PLEKHH2: variants seen among roughly 807,000 people sequenced by gnomAD.
PLEKHH2 encodes the protein pleckstrin homology domain-containing family H member 2.
A neutral mutation model predicts 187.9 loss-of-function variants in PLEKHH2; 129 were observed. The ratio of observed to expected loss-of-function variants is 0.69; its 90% confidence interval spans 0.59 to 0.79. PLEKHH2 has a LOEUF of 0.79. Ranked by LOEUF, PLEKHH2 falls within the 30% of genes least tolerant of loss-of-function variation. PLEKHH2 has a pLI of 0.00. For missense variants in PLEKHH2, 2,076 were observed against 1,751.2 expected (o/e 1.19, Z -3.31); for synonymous variants, 686 against 605.6 (o/e 1.13, Z -1.95).
intron 16 of PLEKHH2, among the ~76,000 whole-genome samples, chr2:43,722,089 T>TA (rs780880178): frequency 0.01 from 1,321 of 128,248 alleles, 21 homozygotes; most frequent in African/African-American, 0.029. Flanking sequence ...TAGTCTCTAC[T>TA]AAAAAAAAAA....
chr2:43,644,844 T>A (rs12105773), intron 2 of PLEKHH2, 48 bp downstream of exon 2: 1 of 1,523,008 alleles, frequency 6.6e-7, no homozygotes, highest in Non-Finnish European at 8.9e-7. Flanking sequence ...CTATTTAGGG[T>A]CTGCTTCATT....
chr2:43,756,951 T>A (rs183156149), intron 25 of PLEKHH2, among the ~76,000 whole-genome samples, 168 bp from the exon 26 acceptor site: 43 of 152,286 alleles, frequency 2.8e-4, no homozygotes, highest in African/African-American at 1.0e-3. Context: ...TCAAATGTAA[T>A]TTATAAAAAT....
chr2:43,656,800 C>G (rs1666791362), intron 2 of PLEKHH2, among the ~76,000 whole-genome samples: 1 of 152,134 alleles, frequency 6.6e-6, no homozygotes, highest in Non-Finnish European at 1.5e-5. Flanking sequence ...GGTGGATCAC[C>G]TGAAGCTAGG....
chr2:43,693,597 T>G (rs564118727), intron 4 of PLEKHH2, among the ~76,000 whole-genome samples: 284 of 151,640 alleles, frequency 1.9e-3, no homozygotes, highest in Non-Finnish European at 3.2e-3. Context: ...GGTGGCGGGC[T>G]CCTGTAGTCC....
Position 43,695,213 on chromosome 2 carries a change from C to A in PLEKHH2, c.491C>A (p.Ser164Ter). The change falls in exon 6 of 30, where the codon TCA becomes TAA. Residue 164 changes from serine to a stop codon, truncating the protein, a stop_gained. Transcript: ENST00000282406. LOFTEE classifies it high-confidence loss of function. ...ACTGAAGAGATAAGAACAATGCAGT[C>A]AAAACTACAAGGTACAAATACTTTA... ...NQTEEIRTMQ[S>*]KLQEVQGKKS... 6.3e-7 allele frequency: 1 copy of A among 1,576,296 alleles called. No individual in the cohort carries two copies. Among genetic ancestry groups the A allele is most frequent in the South Asian group, 1.2e-5 (1 of 85,730 alleles).
chr2:43,699,887 C>T lies in PLEKHH2; in HGVS notation c.929C>T (p.Thr310Ile), dbSNP rs769129097. Reference protein sequence around the residue: ...SRCTSTLSSHTSEEGVQCSRM... With the variant: ...SRCTSTLSSHISEEGVQCSRM... Reference sequence around the variant, plus strand: ...TGCACATCCACCCTCTCCAGTCACACATCTGAGGAAGGGGTCCAGTGTAGC... The same window carrying T: ...TGCACATCCACCCTCTCCAGTCACATATCTGAGGAAGGGGTCCAGTGTAGC... The change falls in exon 8 of 30, where the codon ACA becomes ATA. Residue 310 changes from threonine to isoleucine, a missense_variant. Coordinates refer to ENST00000282406, the MANE Select transcript of PLEKHH2 (RefSeq NM_172069.4). The T allele has an allele frequency of 5.6e-5, 91 of 1,613,984 alleles. No individual in the cohort carries two copies. In the South Asian group the frequency reaches 6.3e-4, roughly 11 times the overall value.
chr2:43,738,560 T>TG (rs769669943), intron 20 of PLEKHH2, 40 bp downstream of exon 20: 31 of 1,503,974 alleles, frequency 2.1e-5, no homozygotes, highest in Non-Finnish European at 2.6e-5. Context: ...CAATTTAAAG[T>TG]GTTTTTTTTT....
At position 43,692,533 on chromosome 2, in the gene PLEKHH2, A is replaced by G. The variant is rs367999974; in HGVS notation, c.206A>G (p.Lys69Arg). ...ATTTAGGTACAAGTTATGGAAGATA[A>G]ATTAAAAGCAGCTAATATTCAAACC... ...AFQQVQVMED[K>R]LKAANIQTSE... Residue 69 changes from lysine to arginine, a missense_variant, in exon 4 of 30, where the codon AAA (lysine) becomes AGA (arginine). Transcript: ENST00000282406. 27 of 1,578,380 alleles carry G rather than the reference A, an allele frequency of 1.7e-5. No individual in the cohort carries two copies. The highest frequency in any genetic ancestry group is 2.3e-5 in the Non-Finnish European group (26 of 1,152,396).
At chr2:43,678,804 C>A in intron 2 of PLEKHH2, 59 bp from the exon 3 acceptor site, 1 of 1,329,264 alleles carries the variant, frequency 7.5e-7, no homozygotes, top group Non-Finnish European at 1.1e-6. Flanking sequence ...AAGCCTTTTT[C>A]AGAAAGGCTC....
chr2:43,710,584 C>CTTTTTTTTTTTTTTTTTTTTTTTTTTT lies in PLEKHH2; in HGVS notation c.2301+33_2301+34insTTTTTTTTTTTTTTTTTTTTTTTTTTT. 8.1e-7 allele frequency: 1 copy of CTTTTTTTTTTTTTTTTTTTTTTTTTTT among 1,241,308 alleles called. No individual in the cohort carries two copies. 76.9% of individuals were successfully genotyped at this position (1,241,308 alleles called of 1,614,324 possible). ...ACAAACAAACAGTTCAGGTACTTAA[C>CTTTTTTTTTTTTTTTTTTTTTTTTTTT]TTTTTTTTTTTTTTTTTTTTTTTTG... On this transcript the variant is annotated intron_variant, in intron 14 of 29. Transcript: ENST00000282406.
At chr2:43,758,411 C>A (rs1196606239) in intron 26 of PLEKHH2, among the ~76,000 whole-genome samples, 1 of 152,138 alleles carries the variant, frequency 6.6e-6, no homozygotes, top group Non-Finnish European at 1.5e-5. Flanking sequence ...CGCCATCATG[C>A]CTGGCTTATT....
chr2:43,742,915 C>G lies in PLEKHH2; in HGVS notation c.3396C>G (p.Tyr1132Ter). Residue 1132 changes from tyrosine (Y) to a stop codon, truncating the protein, a stop_gained, in exon 22 of 30, where the codon TAC becomes TAG. Coordinates refer to ENST00000282406, the MANE Select transcript of PLEKHH2 (RefSeq NM_172069.4). LOFTEE classifies it high-confidence loss of function. ...CTGTGCACTTCATGAATGGGATATA[C>G]CAGGTAGGTTACCTGATGAAAATAT... ...SIPVHFMNGIYQVVGFDASTT... is the reference protein window; with the variant it reads ...SIPVHFMNGI The G allele has an allele frequency of 6.6e-7, 1 of 1,520,896 alleles. No homozygotes were observed. The allele number at this position is 1,520,896 out of a possible 1,614,324, so 94.2% of individuals were successfully genotyped here.
At chr2:43,740,543 A>G (rs1671515691) in intron 20 of PLEKHH2, among the ~76,000 whole-genome samples, 1 of 152,194 alleles carries the variant, frequency 6.6e-6, no homozygotes, top group Admixed American at 6.5e-5. Context: ...GTGTGTAGGT[A>G]GATTGGTTTT....
At chr2:43,684,122 G>A (rs998196932) in intron 3 of PLEKHH2, among the ~76,000 whole-genome samples, 1 of 151,992 alleles carries the variant, frequency 6.6e-6, no homozygotes, top group Non-Finnish European at 1.5e-5. Context: ...AATGTATAAT[G>A]CTGTGTATCC....
chr2:43,676,413 C>A, intron 2 of PLEKHH2: 1 of 999,408 alleles, frequency 1.0e-6, no homozygotes, highest in East Asian at 2.5e-5. Context: ...CGGCTGCGCT[C>A]CCGGTTGGGC....
intron 15 of PLEKHH2, among the ~76,000 whole-genome samples, chr2:43,719,127 A>G (rs1670354150): frequency 6.6e-6 from 1 of 152,174 alleles, no homozygotes; most frequent in Non-Finnish European, 1.5e-5. Context: ...AATATTTAAC[A>G]TACTGCTGAT....
rs575096368 is a variant in PLEKHH2 at position 43,697,286 on chromosome 2, A to T, written c.618A>T (p.Val206=). The part of the protein sequence containing the change: ...FLSRARSPPQ[V]VKSEEMSKIS... ...CTCGAGCAAGGAGTCCTCCTCAAGT[A>T]GTAAAATCTGAGGAAATGAGCAAGA... is the stretch of plus-strand genomic sequence containing the variant. Residue 206 remains valine, a synonymous_variant, in exon 7 of 30, where the codon GTA becomes GTT. Transcript: ENST00000282406. 73 of 1,613,860 alleles carry T rather than the reference A, an allele frequency of 4.5e-5. No homozygotes were observed. The highest frequency in any genetic ancestry group is 1.1e-4 in the South Asian group (10 of 91,058).
chr2:43,660,502 G>C (rs1290031929), intron 2 of PLEKHH2, among the ~76,000 whole-genome samples: 2 of 144,212 alleles, frequency 1.4e-5, no homozygotes, highest in Non-Finnish European at 3.0e-5. Flanking sequence ...AAGTTTTAGG[G>C]TACATGTGCA....
intron 4 of PLEKHH2, among the ~76,000 whole-genome samples, chr2:43,693,293 T>A (rs1425334492): frequency 1.3e-5 from 2 of 152,184 alleles, no homozygotes; most frequent in African/African-American, 4.8e-5. Context: ...GCCCCTAAAT[T>A]GTTTGCAACC....
Sources: gnomAD v4.1 joint callset for allele counts (sites outside exome capture counted in the v4.1 genomes callset) on GRCh38, gnomAD v4.1.1 for gene constraint, MANE v1.5 for transcripts, NCBI Gene and HGNC (gene_info 2026-07-23, HGNC 2026-07-21) for gene names.